Variants in OCA2 observed in about 807,000 individuals in gnomAD.
OCA2 encodes the protein P protein.
In OCA2, 77 loss-of-function variants were observed where a neutral mutation model predicts 100.2. That is an observed-to-expected ratio of 0.77 (90% CI 0.64 to 0.93). The LOEUF is 0.93. Ranked by LOEUF, OCA2 falls within the 40% of genes least tolerant of loss-of-function variation. OCA2 has a pLI of 0.00. For missense variants in OCA2, 1,062 were observed against 1,089.1 expected, an observed-to-expected ratio of 0.98 and a Z score of 0.35; for synonymous variants, 432 against 439.2, an observed-to-expected ratio of 0.98 and a Z score of 0.21.
At chr15:28,073,286 C>T (rs2044322669) in intron 2 of OCA2, among the ~76,000 whole-genome samples, 1 of 152,078 alleles carries the variant, frequency 6.6e-6, no homozygotes, top group African/African-American at 2.4e-5. Context: ...TGGTGGCGAG[C>T]AACTATAATC....
chr15:28,023,961 T>G (rs1405538230), intron 5 of OCA2, among the ~76,000 whole-genome samples: 1 of 152,130 alleles, frequency 6.6e-6, no homozygotes, highest in African/African-American at 2.4e-5. Context: ...TATACTCACC[T>G]GCACACACAC....
chr15:27,999,422 T>A (rs1275316843), intron 9 of OCA2, among the ~76,000 whole-genome samples: 1 of 152,204 alleles, frequency 6.6e-6, no homozygotes, highest in African/African-American at 2.4e-5. Flanking sequence ...CATCCTTTCA[T>A]AATTAAAAGC....
At chr15:27,731,671 G>T in the OCA2 span, among the ~76,000 whole-genome samples, 1 of 152,112 alleles carries the variant, frequency 6.6e-6, no homozygotes, top group Non-Finnish European at 1.5e-5. Context: ...TGACCCTGGG[G>T]GTGTACTTAA....
chr15:27,737,315 T>C, the OCA2 span, among the ~76,000 whole-genome samples: 65,473 of 152,098 alleles, frequency 0.43, 15,455 homozygotes, highest in Non-Finnish European at 0.53. Context: ...ATTCAAAATA[T>C]ATTTATTTAT....
chr15:27,853,581 GAAA>G (rs112019581), intron 21 of OCA2, among the ~76,000 whole-genome samples: 1 of 136,740 alleles, frequency 7.3e-6, no homozygotes, highest in African/African-American at 2.7e-5. Context: ...AATAATAAAA[GAAA>G]AAAAAAAAAA....
intron 9 of OCA2, among the ~76,000 whole-genome samples, chr15:28,001,988 G>A (rs1490089499): frequency 6.6e-6 from 1 of 152,188 alleles, no homozygotes; most frequent in Non-Finnish European, 1.5e-5. Context: ...ACAACAGAGT[G>A]GGCTGTGTGC....
At chr15:27,799,628 C>A (rs2033503569) in intron 23 of OCA2, among the ~76,000 whole-genome samples, 1 of 151,966 alleles carries the variant, frequency 6.6e-6, no homozygotes, top group African/African-American at 2.4e-5. Flanking sequence ...GCCTGTAATT[C>A]CAGCTACTCA....
chr15:27,956,548 A>AAACCTCATGTTTGTAAC (rs1156701881), intron 16 of OCA2, among the ~76,000 whole-genome samples: 20 of 152,176 alleles, frequency 1.3e-4, no homozygotes, highest in Non-Finnish European at 2.4e-4. Flanking sequence ...CCTGAGATGC[A>AAACCTCATGTTTGTAAC]CTGAGTGTGT....
At chr15:27,839,848 G>A (rs980839184) in intron 23 of OCA2, among the ~76,000 whole-genome samples, 1 of 152,094 alleles carries the variant, frequency 6.6e-6, no homozygotes, top group Non-Finnish European at 1.5e-5. Flanking sequence ...AACAGAGAAT[G>A]CACACATAAA....
intron 18 of OCA2, among the ~76,000 whole-genome samples, chr15:27,949,137 T>G (rs751071298): frequency 6.6e-6 from 1 of 152,240 alleles, no homozygotes; most frequent in Non-Finnish European, 1.5e-5. Context: ...TTAGGATTCC[T>G]AAATGAAGGA....
rs536065531 is a variant in OCA2 at position 27,895,222 on chromosome 15, G to A, written c.2080-23300C>T. On this transcript the variant is annotated intron_variant, in intron 19 of 23. Transcript: ENST00000354638. ...CAAAGGGTGATTGTGACATATCACTGGGCCCAGAACCTAGTCTCTGGTGTG... is the reference window on the plus strand; with the variant it reads ...CAAAGGGTGATTGTGACATATCACTAGGCCCAGAACCTAGTCTCTGGTGTG... Among the ~76,000 whole-genome samples the A allele has an allele frequency of 3.1e-4, 47 of 152,252 alleles. 1 individual carries two copies. The South Asian group carries it at 9.3e-3, about 30-fold the overall frequency.
intron 18 of OCA2, among the ~76,000 whole-genome samples, chr15:27,949,214 G>T (rs1291365185): frequency 6.6e-6 from 1 of 152,210 alleles, no homozygotes; most frequent in Non-Finnish European, 1.5e-5. Flanking sequence ...TATGTTATAT[G>T]AAATTACATT....
intron 19 of OCA2, among the ~76,000 whole-genome samples, chr15:27,918,011 T>A (rs546550320): frequency 6.6e-6 from 1 of 151,858 alleles, no homozygotes; most frequent in Non-Finnish European, 1.5e-5. Flanking sequence ...TTATTGAACA[T>A]CTTGCAAAAC....
At chr15:27,842,880 ATG>A (rs1036112865) in intron 23 of OCA2, among the ~76,000 whole-genome samples, 1 of 152,138 alleles carries the variant, frequency 6.6e-6, no homozygotes, top group Non-Finnish European at 1.5e-5. Context: ...TGCAAGAACT[ATG>A]TGAAAAGTTC....
Position 27,790,200 on chromosome 15 carries a change from CAAT to C in OCA2, c.2433-34731_2433-34729del, listed in dbSNP as rs1258691910. On this transcript the variant is annotated intron_variant, in intron 23 of 23. Transcript: ENST00000354638. The stretch of plus-strand genomic sequence containing the variant: ...ATTAGTAAAATATAAATCAAAATCA[CAAT>C]GAGATACCACTGCACACATATTAGA... 7.9e-5 allele frequency among the ~76,000 whole-genome samples: 12 copies of C among 152,160 alleles called. No homozygotes were observed. In the East Asian group the frequency reaches 2.3e-3, roughly 29 times the overall value.
intron 1 of OCA2, among the ~76,000 whole-genome samples, chr15:28,090,504 A>G (rs1325851205): frequency 2.0e-5 from 3 of 152,242 alleles, no homozygotes; most frequent in African/African-American, 7.2e-5. Context: ...AGTATTCTGT[A>G]GCCACAATGC....
At chr15:27,972,308 A>G (rs925450919) in intron 14 of OCA2, among the ~76,000 whole-genome samples, 3 of 152,240 alleles carry the variant, frequency 2.0e-5, no homozygotes, top group Non-Finnish European at 4.4e-5. Context: ...TGTGATAAAC[A>G]TAAGTGTGCC....
At chr15:28,074,673 C>CAAAAAAAA (rs1172821817) in intron 2 of OCA2, among the ~76,000 whole-genome samples, 1 of 66,948 alleles carries the variant, frequency 1.5e-5, no homozygotes, top group Non-Finnish European at 3.6e-5. Context: ...GACTCCGTCT[C>CAAAAAAAA]AAAAAAAAAA....
chr15:27,982,634 C>T (rs1015388771), intron 14 of OCA2, among the ~76,000 whole-genome samples: 2 of 152,130 alleles, frequency 1.3e-5, no homozygotes, highest in Non-Finnish European at 2.9e-5. Flanking sequence ...TGGAACACAG[C>T]GTTCAAATAC....
Sources: allele counts gnomAD v4.1 joint callset (sites outside exome capture counted in the v4.1 genomes callset), GRCh38; gene constraint gnomAD v4.1.1; transcripts MANE v1.5; gene names NCBI Gene and HGNC (gene_info 2026-07-23, HGNC 2026-07-21).